Variants in ATXN1 observed in about 807,000 individuals in gnomAD.
The protein encoded by ATXN1 is ataxin-1.
A neutral mutation model predicts 56.4 loss-of-function variants in ATXN1; 8 were observed. The observed-to-expected ratio is 0.14, with a 90% confidence interval of 0.08 to 0.26. The LOEUF (loss-of-function observed/expected upper bound fraction) is 0.26, where lower values mean the gene tolerates loss of function less well. Among genes scored for constraint, ATXN1 ranks in the 10% least tolerant of loss-of-function variants. The pLI is 1.00. For synonymous variants in ATXN1, 514 were observed against 494.6 expected, an observed-to-expected ratio of 1.04 and a Z score of -0.52; for missense variants, 987 against 1,106.5, an observed-to-expected ratio of 0.89 and a Z score of 1.53.
chr6:16,624,033 G>A (rs1159783566), intron 3 of ATXN1, among the ~76,000 whole-genome samples: 1 of 152,172 alleles, frequency 6.6e-6, no homozygotes, highest in Non-Finnish European at 1.5e-5. Context: ...TATTTAATGG[G>A]TAGAATTTCA....
chr6:16,347,901 C>G (rs944536207), intron 6 of ATXN1, among the ~76,000 whole-genome samples: 1 of 152,204 alleles, frequency 6.6e-6, no homozygotes, highest in African/African-American at 2.4e-5. Context: ...TGCAATAAAT[C>G]TTGCTGCTGC....
At chr6:16,472,115 A>T (rs965110844) in intron 6 of ATXN1, among the ~76,000 whole-genome samples, 1 of 152,204 alleles carries the variant, frequency 6.6e-6, no homozygotes, top group Non-Finnish European at 1.5e-5. Flanking sequence ...TAAGAAAAGA[A>T]CCTGACAAAA....
In ATXN1 at chr6:16,327,470, G is replaced by C; in HGVS notation, c.841C>G (p.Leu281Val). The C allele has an allele frequency of 2.5e-6, 4 of 1,613,512 alleles. No individual in the cohort carries two copies. Among genetic ancestry groups the C allele is most frequent in the Non-Finnish European group, 3.4e-6 (4 of 1,179,948 alleles). ...HPHQTMIPHT[L>V]TLGPPSQVVM... Reference sequence around the variant, plus strand: ...ACCTGGGAGGGGGGCCCCAGGGTGAGCGTGTGTGGGATCATCGTCTGGTGG... The same window carrying C: ...ACCTGGGAGGGGGGCCCCAGGGTGACCGTGTGTGGGATCATCGTCTGGTGG... Residue 281 changes from leucine to valine, a missense_variant, in exon 7 of 8, where the codon CTC becomes GTC. By Grantham distance (32) the Leu-to-Val change is conservative. Around this residue, in one of 3 missense-constraint regions of ATXN1, gnomAD observed 723 missense variants for 791.7 expected, o/e 0.91. Transcript: ENST00000436367.
At chr6:16,580,344 T>C (rs3806139) in intron 4 of ATXN1, among the ~76,000 whole-genome samples, 90,101 of 152,072 alleles carry the variant, frequency 0.59, 30,945 homozygotes, top group South Asian at 0.77. Context: ...GAGAAAAAAA[T>C]AGTGATTTGA....
At chr6:16,446,604 A>C (rs1759641222) in intron 6 of ATXN1, among the ~76,000 whole-genome samples, 1 of 152,224 alleles carries the variant, frequency 6.6e-6, no homozygotes. Context: ...ATTTTGCTTT[A>C]GTCATTTGCA....
chr6:16,469,340 T>C (rs545243625), intron 6 of ATXN1, among the ~76,000 whole-genome samples: 1 of 152,340 alleles, frequency 6.6e-6, no homozygotes, highest in South Asian at 2.1e-4. Context: ...AGGGAGCAAT[T>C]AGTGAAGAAC....
intron 3 of ATXN1, among the ~76,000 whole-genome samples, chr6:16,634,419 A>T (rs1024674027): frequency 3.3e-5 from 5 of 152,134 alleles, no homozygotes; most frequent in Non-Finnish European, 5.9e-5. Context: ...ATTTATTTTT[A>T]AAAAAACAGC....
At chr6:16,446,848 T>C (rs1277884629) in intron 6 of ATXN1, among the ~76,000 whole-genome samples, 1 of 152,196 alleles carries the variant, frequency 6.6e-6, no homozygotes, top group Non-Finnish European at 1.5e-5. Flanking sequence ...GTTAATAAAC[T>C]AGAGGAAATA....
intron 2 of ATXN1, among the ~76,000 whole-genome samples, chr6:16,750,635 T>C (rs941182630): frequency 5.9e-5 from 9 of 152,230 alleles, no homozygotes; most frequent in African/African-American, 2.2e-4. Flanking sequence ...GTCAGTATTT[T>C]AGTATTCATA....
At chr6:16,364,503 C>G (rs1761876079) in intron 6 of ATXN1, among the ~76,000 whole-genome samples, 1 of 152,038 alleles carries the variant, frequency 6.6e-6, no homozygotes, top group East Asian at 1.9e-4. Context: ...TAGGGTTTCA[C>G]TGTGTTAGCC....
At chr6:16,323,508 G>A (rs1048923265) in intron 7 of ATXN1, among the ~76,000 whole-genome samples, 1 of 107,826 alleles carries the variant, frequency 9.3e-6, no homozygotes, top group South Asian at 3.4e-4. Flanking sequence ...CTGGGTGACA[G>A]AGCAAGACTC....
chr6:16,600,480 C>T (rs762630086), intron 3 of ATXN1, among the ~76,000 whole-genome samples: 9 of 152,110 alleles, frequency 5.9e-5, no homozygotes, highest in Non-Finnish European at 1.0e-4. Flanking sequence ...TTAAGAGCAG[C>T]GTATAATAAA....
At chr6:16,522,148 T>C (rs1761305825) in intron 5 of ATXN1, among the ~76,000 whole-genome samples, 1 of 152,184 alleles carries the variant, frequency 6.6e-6, no homozygotes, top group South Asian at 2.1e-4. Context: ...ATAAAGGTGA[T>C]GTGAGCCTCT....
At chr6:16,728,195 G>C (rs1182119729) in intron 2 of ATXN1, among the ~76,000 whole-genome samples, 2 of 152,204 alleles carry the variant, frequency 1.3e-5, no homozygotes, top group Admixed American at 6.5e-5. Context: ...CAGTCACATG[G>C]AGTCTGACTG....
In ATXN1 at chr6:16,612,761, C is replaced by T. The variant is rs531451177; in HGVS notation, c.-488-26854G>A. Among the ~76,000 whole-genome samples the T allele has an allele frequency of 8.6e-5, 13 of 151,470 alleles. No homozygotes were observed. In the East Asian group the frequency reaches 1.2e-3, roughly 14 times the overall value. On this transcript the variant is annotated intron_variant, in intron 3 of 7. Transcript: ENST00000436367. ...CAAAAATTAGCTGGGCATGGTGGCA[C>T]GCACCTGTAGTCCCAGCTACTTGGG...
intron 2 of ATXN1, among the ~76,000 whole-genome samples, chr6:16,659,442 CA>C (rs1758272158): frequency 6.6e-6 from 1 of 152,166 alleles, no homozygotes; most frequent in East Asian, 1.9e-4. Context: ...TGGCTTGTAT[CA>C]ATCTTTTCTT....
chr6:16,548,305 G>T (rs899955003), intron 4 of ATXN1, among the ~76,000 whole-genome samples: 3 of 152,174 alleles, frequency 2.0e-5, no homozygotes, highest in Non-Finnish European at 4.4e-5. Context: ...AGTTGCTCTG[G>T]GTGAGTCAGT....
At chr6:16,420,614 C>A (rs1212023604) in intron 6 of ATXN1, among the ~76,000 whole-genome samples, 1 of 152,132 alleles carries the variant, frequency 6.6e-6, no homozygotes, top group Non-Finnish European at 1.5e-5. Flanking sequence ...TTTAGTAATA[C>A]CCTGAAGCTG....
At chr6:16,444,946 T>C (rs1561898655) in intron 6 of ATXN1, among the ~76,000 whole-genome samples, 1 of 152,124 alleles carries the variant, frequency 6.6e-6, no homozygotes, top group South Asian at 2.1e-4. Flanking sequence ...GGGACATGCT[T>C]AGCAACACCA....
Sources: allele counts gnomAD v4.1 joint callset (sites outside exome capture counted in the v4.1 genomes callset), GRCh38; gene constraint gnomAD v4.1.1; regional missense constraint gnomAD v4.1.1; transcripts MANE v1.5; gene names NCBI Gene and HGNC (gene_info 2026-07-23, HGNC 2026-07-21).